The following CDH4 variants were observed in gnomAD, a reference collection of about 807,000 sequenced individuals.
CDH4 encodes cadherin-4.
CDH4 carries 33 observed loss-of-function variants against 86.0 expected under a neutral mutation model. The observed-to-expected ratio is 0.38, with a 90% CI of 0.29 to 0.51. The LOEUF is 0.51. Among genes scored for constraint, CDH4 ranks in the 20% least tolerant of loss-of-function variants. The pLI is 0.86. For synonymous variants in CDH4, 555 were observed against 549.4 expected, an observed-to-expected ratio of 1.01 and a Z score of -0.14; for missense variants, 1,114 against 1,307.4, an observed-to-expected ratio of 0.85 and a Z score of 2.28.
intron 2 of CDH4, among the ~76,000 whole-genome samples, chr20:61,387,786 T>TGA (rs1367118756): frequency 6.0e-4 from 92 of 152,290 alleles, no homozygotes; most frequent in African/African-American, 2.1e-3. Flanking sequence ...TTTTCCGCAG[T>TGA]GAGAGCACCA....
chr20:61,917,389 G>T (rs1248912358), intron 9 of CDH4, among the ~76,000 whole-genome samples: 3 of 152,234 alleles, frequency 2.0e-5, no homozygotes, highest in Non-Finnish European at 4.4e-5. Flanking sequence ...GTTCTTTCTC[G>T]TCTTACCCAT....
chr20:61,691,354 T>C (rs535475078), intron 2 of CDH4, among the ~76,000 whole-genome samples: 180 of 152,196 alleles, frequency 1.2e-3, no homozygotes, highest in Non-Finnish European at 2.3e-3. Flanking sequence ...TGTGTATTTT[T>C]GTGTGTGCAT....
In CDH4 at chr20:61,936,808, G is replaced by A. The variant is rs1208239854; in HGVS notation, c.2616G>A (p.Gly872=). The A allele has an allele frequency of 1.2e-6, 2 of 1,610,832 alleles. No individual in the cohort carries two copies. Residue 872 remains glycine, a synonymous_variant, in exon 16 of 16, where the codon GGG becomes GGA. Transcript: ENST00000614565. ...CCCTGCTGGTCTTCGACTACGAGGG[G>A]AGCGGCTCCACCGCAGGCTCCGTCA... The part of the protein sequence containing the change: ...YDSLLVFDYE[G]SGSTAGSVSS...
intron 2 of CDH4, among the ~76,000 whole-genome samples, chr20:61,359,567 G>C (rs1482861835): frequency 6.6e-6 from 1 of 152,250 alleles, no homozygotes; most frequent in Non-Finnish European, 1.5e-5. Flanking sequence ...AGTGATACAT[G>C]AAGCAGGTGC....
intron 2 of CDH4, among the ~76,000 whole-genome samples, chr20:61,562,262 A>G (rs1268994706): frequency 4.5e-4 from 25 of 55,770 alleles, no homozygotes; most frequent in Admixed American, 8.0e-4. Context: ...AGAGAGAGGG[A>G]CCTCCGTGTG....
chr20:61,841,573 C>T (rs372517465), intron 4 of CDH4, among the ~76,000 whole-genome samples: 20 of 152,300 alleles, frequency 1.3e-4, no homozygotes, highest in African/African-American at 4.8e-4. Context: ...TCCCATGGAC[C>T]GCTGAGGGGC....
intron 2 of CDH4, among the ~76,000 whole-genome samples, chr20:61,720,905 C>T (rs2088033565): frequency 6.6e-6 from 1 of 152,124 alleles, no homozygotes; most frequent in South Asian, 2.1e-4. Flanking sequence ...TCCCTTGGTC[C>T]AGTGAGTCAT....
At chr20:61,639,865 T>C (rs1331965503) in intron 2 of CDH4, among the ~76,000 whole-genome samples, 1 of 152,192 alleles carries the variant, frequency 6.6e-6, no homozygotes. Flanking sequence ...GAAAATTATC[T>C]GGCTATCTCA....
intron 9 of CDH4, among the ~76,000 whole-genome samples, chr20:61,917,445 C>T (rs1360359424): frequency 6.6e-6 from 1 of 152,278 alleles, no homozygotes; most frequent in Non-Finnish European, 1.5e-5. Context: ...GCCTCTGCCA[C>T]TTCCCCTTCG....
chr20:61,673,019 G>T (rs773657781), intron 2 of CDH4, among the ~76,000 whole-genome samples: 1 of 152,164 alleles, frequency 6.6e-6, no homozygotes, highest in Non-Finnish European at 1.5e-5. Flanking sequence ...GAAAGACAAA[G>T]ATAGCATCAG....
intron 2 of CDH4, among the ~76,000 whole-genome samples, chr20:61,293,843 G>A (rs75617663): frequency 1.3e-5 from 2 of 152,184 alleles, no homozygotes; most frequent in Non-Finnish European, 2.9e-5. Flanking sequence ...CCCTCACCAG[G>A]GTGGCATCCT....
At chr20:61,357,979 C>A (rs1175875742) in intron 2 of CDH4, among the ~76,000 whole-genome samples, 2 of 152,124 alleles carry the variant, frequency 1.3e-5, no homozygotes, top group Non-Finnish European at 2.9e-5. Flanking sequence ...GCGGGGAGAA[C>A]GATGGCGTTT....
At chr20:61,533,915 C>A (rs1027849848) in intron 2 of CDH4, among the ~76,000 whole-genome samples, 2 of 152,216 alleles carry the variant, frequency 1.3e-5, no homozygotes, top group Non-Finnish European at 2.9e-5. Flanking sequence ...GACTCTGCAG[C>A]CTCCCCATCC....
In CDH4 at chr20:61,252,609, C is replaced by G. The variant is rs1460065645; in HGVS notation, c.57+39C>G. ...TCCCGCCCCCGCCGTTCGGAAGCCC[C>G]GGGCAGCGGGAGGTCGTCCCCGGAT... On this transcript the variant is annotated intron_variant, in intron 1 of 15. Coordinates refer to ENST00000614565, the MANE Select transcript of CDH4 (RefSeq NM_001794.5). This position sits in a 1 kb window ranked among gnomAD's most constrained non-coding sequence, Gnocchi z 4.4. 2.5e-6 allele frequency: 3 copies of G among 1,176,570 alleles called. No individual in the cohort carries two copies. The highest frequency in any genetic ancestry group is 4.4e-5 in the Admixed American group (1 of 22,474). 72.9% of individuals were successfully genotyped at this position (1,176,570 alleles called of 1,614,324 possible). A position where few individuals can be genotyped will look rare whatever the true frequency, so the allele number is the denominator to read the frequency against.
intron 4 of CDH4, among the ~76,000 whole-genome samples, chr20:61,785,882 A>G (rs1978853740): frequency 6.6e-6 from 1 of 152,186 alleles, no homozygotes; most frequent in Non-Finnish European, 1.5e-5. Context: ...GGAGCGTGCG[A>G]GCGAGTGGAG....
At chr20:61,485,925 A>G (rs1232204068) in intron 2 of CDH4, among the ~76,000 whole-genome samples, 1 of 152,112 alleles carries the variant, frequency 6.6e-6, no homozygotes, top group Non-Finnish European at 1.5e-5. Flanking sequence ...CAACACACGC[A>G]CCCACTAATT....
intron 4 of CDH4, among the ~76,000 whole-genome samples, chr20:61,778,365 A>G (rs1978359453): frequency 6.6e-6 from 1 of 152,220 alleles, no homozygotes; most frequent in Non-Finnish European, 1.5e-5. Flanking sequence ...TGTTAAACGA[A>G]AAAACGAGCG....
rs185834453 is a variant in CDH4 at position 61,404,172 on chromosome 20, G to A, written c.169+149235G>A. Among the ~76,000 whole-genome samples, 748 of 151,986 alleles carry A rather than the reference G, an allele frequency of 4.9e-3. 5 individuals are homozygous for A. The highest frequency in any genetic ancestry group is 0.017 in the African/African-American group (715 of 41,432). On this transcript the variant is annotated intron_variant, in intron 2 of 15. Coordinates refer to ENST00000614565, the MANE Select transcript of CDH4 (RefSeq NM_001794.5). ...CAGCCAGGCGGGTACAGGGGTCCTG[G>A]GCCAGGACTCCCACCACCACCTGTC...
chr20:61,744,458 G>GCTTCACACAGACAT (rs2088386508), intron 3 of CDH4, among the ~76,000 whole-genome samples: 1 of 49,278 alleles, frequency 2.0e-5, no homozygotes, highest in Non-Finnish European at 3.8e-5. Flanking sequence ...GGGAGAGAGA[G>GCTTCACACAGACAT]AAGGAGGGAG....
Sources: gnomAD v4.1 joint callset for allele counts (sites outside exome capture counted in the v4.1 genomes callset) on GRCh38, gnomAD v4.1.1 for gene constraint, Gnocchi (gnomAD v3.1) non-coding constraint, MANE v1.5 for transcripts, NCBI Gene and HGNC (gene_info 2026-07-23, HGNC 2026-07-21) for gene names.